GAREM1: variants seen among roughly 807,000 people sequenced by gnomAD.
The protein encoded by GAREM1 is GRB2-associated and regulator of MAPK protein 1.
Under a neutral mutation model 71.3 loss-of-function variants are expected in GAREM1, and 26 were observed. The observed-to-expected ratio is 0.36, with a 90% CI of 0.27 to 0.51. The LOEUF (loss-of-function observed/expected upper bound fraction) is 0.51, where lower values mean the gene tolerates loss of function less well. Among genes scored for constraint, GAREM1 ranks in the 20% least tolerant of loss-of-function variants. GAREM1 has a pLI of 0.95. For missense variants in GAREM1, 1,026 were observed against 1,103.1 expected (o/e 0.93, Z 0.99); for synonymous variants, 440 against 433.2 (o/e 1.02, Z -0.20).
At chr18:32,404,033 A>G (rs1274963486) in intron 1 of GAREM1, among the ~76,000 whole-genome samples, 2 of 152,170 alleles carry the variant, frequency 1.3e-5, no homozygotes, top group African/African-American at 2.4e-5. Flanking sequence ...GTTAGTCTTT[A>G]TTTAGAATAT....
In GAREM1 at chr18:32,287,797, T is replaced by A. The variant is rs767797125; in HGVS notation, c.800A>T (p.Glu267Val). The A allele has an allele frequency of 1.9e-6, 3 of 1,612,640 alleles. No individual in the cohort carries two copies. The African/African-American group carries it at 4.0e-5, about 22-fold the overall frequency. Residue 267 changes from glutamate (E) to valine (V), a missense_variant, in exon 4 of 6, where the codon GAG becomes GTG. By Grantham distance (121) the Glu-to-Val change is moderately radical (BLOSUM62 -2). Coordinates refer to ENST00000269209, the MANE Select transcript of GAREM1 (RefSeq NM_001242409.2). This position sits in a 1 kb window ranked among gnomAD's most constrained non-coding sequence, Gnocchi z 5.9. ...RNPYDLHFIR[E>V]GHRYKFVNIQ... Reference sequence around the variant, plus strand: ...GTTCACAAACTTATAGCGGTGCCCCTCACGGATGAAGTGGAGGTCGTATGG... The same window carrying A: ...GTTCACAAACTTATAGCGGTGCCCCACACGGATGAAGTGGAGGTCGTATGG...
At chr18:32,398,885 T>A (rs961226752) in intron 1 of GAREM1, among the ~76,000 whole-genome samples, 1 of 152,170 alleles carries the variant, frequency 6.6e-6, no homozygotes, top group African/African-American at 2.4e-5. Context: ...TTTAGACCAA[T>A]ATCCTGATGA....
In GAREM1 at chr18:32,470,539, G is replaced by T. The variant is rs984849471; in HGVS notation, c.-111C>A. On this transcript the variant is annotated 5_prime_UTR_variant, in exon 1 of 6. Transcript: ENST00000269209. The surrounding 1 kb of genome is among the most constrained non-coding windows in gnomAD (Gnocchi z 4.4). ...CGGTCTGGGGCGCGCGGGAGGCGCC[G>T]GGCAGCTCCGGCCGCGGGCAGCCGG... The T allele has an allele frequency of 6.4e-6, 5 of 778,124 alleles. No individual in the cohort carries two copies. In the African/African-American group the frequency reaches 7.6e-5, roughly 12 times the overall value. The allele number at this position is 778,124 out of a possible 1,614,324, so 48.2% of individuals were successfully genotyped here.
rs2047824253 is a variant in GAREM1 at position 32,358,168 on chromosome 18, G to C, written c.262+34727C>G. Among the ~76,000 whole-genome samples, 8 of 133,750 alleles carry C rather than the reference G, an allele frequency of 6.0e-5. No individual in the cohort carries two copies. The South Asian group carries it at 1.9e-3, about 31-fold the overall frequency. 87.7% of individuals were successfully genotyped at this position (133,750 alleles called of 152,430 possible). A position where few individuals can be genotyped will look rare whatever the true frequency, so the allele number is the denominator to read the frequency against. Reference sequence around the variant, plus strand: ...CTTCAATGACATCCCACCCCACACGGAGGCTTTCACAGGGGACCCTTTCGG... The same window carrying C: ...CTTCAATGACATCCCACCCCACACGCAGGCTTTCACAGGGGACCCTTTCGG... On this transcript the variant is annotated intron_variant, in intron 2 of 5. Transcript: ENST00000269209.
intron 4 of GAREM1, among the ~76,000 whole-genome samples, chr18:32,281,353 G>C (rs938285268): frequency 6.6e-6 from 1 of 152,004 alleles, no homozygotes; most frequent in Non-Finnish European, 1.5e-5. Flanking sequence ...CATCAATCTG[G>C]CATTAAATTT....
rs2041353686 is a variant in GAREM1, at chr18:32,264,989, GTGGATCTC to G, written c.*2874_*2881del. On this transcript the variant is annotated 3_prime_UTR_variant, in exon 6 of 6. Transcript: ENST00000269209. ...CTGGCTGGTTAGAAGGGTTCTGTGT[GTGGATCTC>G]TGGGCATCACTTTTCACTGCAGAAT... 6.6e-6 allele frequency: 1 copy of G among 152,236 alleles called. No individual in the cohort carries two copies. 9.4% of individuals were successfully genotyped at this position (152,236 alleles called of 1,614,324 possible).
intron 4 of GAREM1, among the ~76,000 whole-genome samples, chr18:32,273,657 A>G (rs990892962): frequency 9.9e-5 from 15 of 152,120 alleles, no homozygotes; most frequent in Non-Finnish European, 1.8e-4. Flanking sequence ...AGACACATAG[A>G]GCTTTTGGGG....
chr18:32,335,161 T>G (rs1325665484), intron 2 of GAREM1, among the ~76,000 whole-genome samples: 1 of 152,252 alleles, frequency 6.6e-6, no homozygotes, highest in Admixed American at 6.5e-5. Flanking sequence ...CTACAGCCTC[T>G]AATCTTTTAT....
In GAREM1 at chr18:32,264,335, G is replaced by T. The variant is rs74568728; in HGVS notation, c.*3536C>A. Reference sequence around the variant, plus strand: ...CGCTAGGTTCTTTGAAGGATTATTTGTTTTCCAGTTTGTTATTCAAAATGT... The same window carrying T: ...CGCTAGGTTCTTTGAAGGATTATTTTTTTTCCAGTTTGTTATTCAAAATGT... On this transcript the variant is annotated 3_prime_UTR_variant, in exon 6 of 6. Coordinates refer to ENST00000269209, the MANE Select transcript of GAREM1 (RefSeq NM_001242409.2). 1 of 152,130 alleles carries T rather than the reference G, an allele frequency of 6.6e-6. No homozygotes were observed. The highest frequency in any genetic ancestry group is 2.4e-5 in the African/African-American group (1 of 41,436). The allele number at this position is 152,130 out of a possible 1,614,324, so 9.4% of individuals were successfully genotyped here. A position where few individuals can be genotyped will look rare whatever the true frequency, so the allele number is the denominator to read the frequency against.
intron 2 of GAREM1, among the ~76,000 whole-genome samples, chr18:32,380,421 A>G (rs1215711580): frequency 2.0e-5 from 3 of 150,350 alleles, no homozygotes; most frequent in African/African-American, 7.4e-5. Context: ...GGTTGCAGAC[A>G]GCCAAAATTG....
chr18:32,291,857 T>C (rs538796791), intron 3 of GAREM1, among the ~76,000 whole-genome samples: 1 of 152,326 alleles, frequency 6.6e-6, no homozygotes, highest in South Asian at 2.1e-4. Flanking sequence ...TTCCATGGTA[T>C]ATATCTGCCA....
intron 1 of GAREM1, among the ~76,000 whole-genome samples, chr18:32,396,359 A>C (rs1344053685): frequency 6.6e-6 from 1 of 152,236 alleles, no homozygotes; most frequent in Non-Finnish European, 1.5e-5. Context: ...AACTTCTCTG[A>C]GCTAAAGGAG....
intron 1 of GAREM1, among the ~76,000 whole-genome samples, chr18:32,428,468 G>A (rs570402516): frequency 2.6e-5 from 4 of 152,180 alleles, no homozygotes; most frequent in South Asian, 2.1e-4. Flanking sequence ...GTGAGTTCTC[G>A]TGAGATCTGG....
chr18:32,454,054 G>A (rs987569625), intron 1 of GAREM1, among the ~76,000 whole-genome samples: 2 of 152,106 alleles, frequency 1.3e-5, no homozygotes, highest in South Asian at 2.1e-4. Context: ...CACTATGGTT[G>A]TATATAATAG....
intron 2 of GAREM1, among the ~76,000 whole-genome samples, chr18:32,347,593 T>C (rs1696490440): frequency 6.6e-6 from 1 of 152,192 alleles, no homozygotes; most frequent in Non-Finnish European, 1.5e-5. Flanking sequence ...GGAACTTTCC[T>C]AAAGCAAACT....
chr18:32,332,215 G>C (rs2047542682), intron 2 of GAREM1, among the ~76,000 whole-genome samples: 1 of 151,824 alleles, frequency 6.6e-6, no homozygotes, highest in Admixed American at 6.6e-5. Flanking sequence ...TGTAGTCTTT[G>C]CCTACCAGGT....
rs1358752680 is a variant in GAREM1 at position 32,310,230 on chromosome 18, C to T, written c.356G>A (p.Arg119His). The T allele has an allele frequency of 1.2e-6, 2 of 1,613,874 alleles. No individual in the cohort carries two copies. The highest frequency in any genetic ancestry group is 1.3e-5 in the African/African-American group (1 of 74,860). ...VEEVAKAFPE[R>H]VYVMEDITFN... ...TGTGATATCCTCCATGACGTACACG[C>T]GTTCAGGAAATGCCTTAGCCACCTC... Residue 119 changes from arginine (R) to histidine (H), a missense_variant, in exon 3 of 6, where the codon CGC becomes CAC. Physicochemically the swap from Arg to His is conservative, Grantham distance 29 (BLOSUM62 0). Transcript: ENST00000269209.
chr18:32,370,729 T>A (rs941005834), intron 2 of GAREM1, among the ~76,000 whole-genome samples: 8 of 152,144 alleles, frequency 5.3e-5, no homozygotes, highest in Non-Finnish European at 1.0e-4. Context: ...ACATTAAGAT[T>A]ATGTTCAAAC....
Position 32,264,057 on chromosome 18 carries a change from A to G in GAREM1, c.*3814T>C, listed in dbSNP as rs1372715287. ...AATTTTAAAACACCAAGTTTTAAAG[A>G]CTGAACAGTGTGATTTAACATGATG... On this transcript the variant is annotated 3_prime_UTR_variant, in exon 6 of 6. Transcript: ENST00000269209. 1 of 152,200 alleles carries G rather than the reference A, an allele frequency of 6.6e-6. No individual in the cohort carries two copies. Among genetic ancestry groups the G allele is most frequent in the African/African-American group, 2.4e-5 (1 of 41,450 alleles). 9.4% of individuals were successfully genotyped at this position (152,200 alleles called of 1,614,324 possible).
Sources: allele counts gnomAD v4.1 joint callset (sites outside exome capture counted in the v4.1 genomes callset), GRCh38; gene constraint gnomAD v4.1.1; non-coding constraint Gnocchi (gnomAD v3.1); transcripts MANE v1.5; gene names NCBI Gene and HGNC (gene_info 2026-07-23, HGNC 2026-07-21).